Variants in SQOR observed in about 807,000 individuals in gnomAD.
The protein encoded by SQOR is sulfide quinone oxidoreductase, also known as sulfide:quinone oxidoreductase, mitochondrial.
A neutral mutation model predicts 48.6 loss-of-function variants in SQOR; 39 were observed. The ratio of observed to expected loss-of-function variants is 0.80; its 90% CI spans 0.62 to 1.05. The LOEUF is 1.05. Among genes scored for constraint, SQOR ranks in the 50% least tolerant of loss-of-function variants. SQOR has a pLI of 0.00. For synonymous variants in SQOR, 220 were observed against 206.2 expected (o/e 1.07, Z -0.57); for missense variants, 561 against 559.9 (o/e 1.00, Z -0.02).
chr15:45,690,229 C>A (rs1890299320), intron 9 of SQOR, among the ~76,000 whole-genome samples: 1 of 151,960 alleles, frequency 6.6e-6, no homozygotes, highest in African/African-American at 2.4e-5. Context: ...CCATGCCCAG[C>A]TAATTTTTGT....
intron 1 of SQOR, among the ~76,000 whole-genome samples, chr15:45,653,412 T>C (rs1889533800): frequency 1.3e-5 from 2 of 152,172 alleles, no homozygotes. Context: ...ACTGGTTTAG[T>C]ATAAGGGATA....
At chr15:45,650,838 A>G (rs929084273) in intron 1 of SQOR, among the ~76,000 whole-genome samples, 1 of 152,192 alleles carries the variant, frequency 6.6e-6, no homozygotes, top group Non-Finnish European at 1.5e-5. Flanking sequence ...AGGTTCTCCA[A>G]GTCCCCACCA....
At chr15:45,642,207 T>G (rs1895116463) in intron 1 of SQOR, among the ~76,000 whole-genome samples, 1 of 152,166 alleles carries the variant, frequency 6.6e-6, no homozygotes, top group Admixed American at 6.6e-5. Context: ...TCACTGCCAT[T>G]AGCAGTAACC....
At chr15:45,644,222 G>C (rs1252986565) in intron 1 of SQOR, among the ~76,000 whole-genome samples, 2 of 152,002 alleles carry the variant, frequency 1.3e-5, no homozygotes, top group Non-Finnish European at 2.9e-5. Context: ...TGAGTAGCTG[G>C]GATTACAGGC....
intron 6 of SQOR, among the ~76,000 whole-genome samples, chr15:45,679,435 G>T (rs971771405): frequency 6.6e-6 from 1 of 152,156 alleles, no homozygotes; most frequent in African/African-American, 2.4e-5. Flanking sequence ...CGGACGTGGT[G>T]GCTCAAGTCT....
intron 2 of SQOR, among the ~76,000 whole-genome samples, chr15:45,660,956 A>G (rs756383106): frequency 6.6e-6 from 1 of 152,100 alleles, no homozygotes; most frequent in South Asian, 2.1e-4. Flanking sequence ...CTTTGCCCCT[A>G]TGTCCAGAAC....
At chr15:45,672,378 A>G (rs559390816) in intron 4 of SQOR, among the ~76,000 whole-genome samples, 2 of 152,286 alleles carry the variant, frequency 1.3e-5, no homozygotes, top group East Asian at 3.9e-4. Context: ...TATAATAATA[A>G]TGATATTATT....
intron 5 of SQOR, among the ~76,000 whole-genome samples, chr15:45,675,818 C>T (rs908331718): frequency 2.6e-5 from 4 of 152,054 alleles, no homozygotes; most frequent in Admixed American, 6.6e-5. Context: ...ATAAACATTC[C>T]GTTCTACTCT....
At chr15:45,666,042 C>T (rs189455558) in intron 3 of SQOR, among the ~76,000 whole-genome samples, 65 of 152,104 alleles carry the variant, frequency 4.3e-4, no homozygotes, top group African/African-American at 1.4e-3. Context: ...GGTCCTTGCT[C>T]CTTCTCCAGG....
At chr15:45,686,148 A>AT (rs1890220111) in intron 7 of SQOR, among the ~76,000 whole-genome samples, 5 of 128,890 alleles carry the variant, frequency 3.9e-5, no homozygotes, top group South Asian at 5.0e-4. Context: ...GCTTGGCCTC[A>AT]TTTAATATAT....
chr15:45,672,505 G>A (rs1040484024), intron 4 of SQOR, among the ~76,000 whole-genome samples: 1 of 152,182 alleles, frequency 6.6e-6, no homozygotes, highest in Non-Finnish European at 1.5e-5. Flanking sequence ...GAGATGAGAG[G>A]ACTCTGTTTC....
intron 1 of SQOR, among the ~76,000 whole-genome samples, chr15:45,641,630 C>T (rs1156291309): frequency 6.6e-6 from 1 of 152,176 alleles, no homozygotes; most frequent in Non-Finnish European, 1.5e-5. Context: ...CCTGAACACA[C>T]AAGGCAAGAA....
At chr15:45,650,703 A>T (rs1889468097) in intron 1 of SQOR, among the ~76,000 whole-genome samples, 1 of 152,190 alleles carries the variant, frequency 6.6e-6, no homozygotes, top group Admixed American at 6.5e-5. Flanking sequence ...CCGTTTTGAC[A>T]GGGTGCTGAT....
At chr15:45,685,368 TTA>T (rs1210695654) in intron 7 of SQOR, among the ~76,000 whole-genome samples, 2 of 152,298 alleles carry the variant, frequency 1.3e-5, no homozygotes, top group East Asian at 3.9e-4. Flanking sequence ...GTTCAGACCC[TTA>T]TGCGATTGTG....
intron 1 of SQOR, among the ~76,000 whole-genome samples, chr15:45,637,592 G>T (rs1895026557): frequency 6.6e-6 from 1 of 152,114 alleles, no homozygotes; most frequent in African/African-American, 2.4e-5. Context: ...TTTTCTGGCT[G>T]GAAAAATATA....
chr15:45,655,681 C>CTTT (rs60764234), intron 1 of SQOR, among the ~76,000 whole-genome samples: 12,927 of 143,650 alleles, frequency 0.09, 889 homozygotes, highest in Admixed American at 0.19. Flanking sequence ...GAAAGTATAT[C>CTTT]TTTTTTTTTT....
chr15:45,636,787 T>C (rs1895014251), intron 1 of SQOR, among the ~76,000 whole-genome samples: 1 of 152,158 alleles, frequency 6.6e-6, no homozygotes, highest in African/African-American at 2.4e-5. Context: ...TTGAAGTAAA[T>C]GTTAAATTTC....
chr15:45,646,876 G>A (rs1010764851), intron 1 of SQOR, among the ~76,000 whole-genome samples: 4 of 151,738 alleles, frequency 2.6e-5, no homozygotes, highest in South Asian at 2.1e-4. Flanking sequence ...TAAGAATCTC[G>A]GTGTATATTT....
intron 1 of SQOR, among the ~76,000 whole-genome samples, chr15:45,652,638 C>CTTTTTTTT (rs757986564): frequency 5.0e-5 from 3 of 60,274 alleles, no homozygotes; most frequent in African/African-American, 7.5e-5. Context: ...CGTGAGCCTC[C>CTTTTTTTT]TTTTTTTTTT....
Sources: gnomAD v4.1 joint callset for allele counts (sites outside exome capture counted in the v4.1 genomes callset) on GRCh38, gnomAD v4.1.1 for gene constraint, MANE v1.5 for transcripts, NCBI Gene and HGNC (gene_info 2026-07-23, HGNC 2026-07-21) for gene names.